UNC80: variants seen among roughly 807,000 people sequenced by gnomAD.
UNC80 encodes protein unc-80 homolog.
Under a neutral mutation model 384.6 loss-of-function variants are expected in UNC80, and 164 were observed. The ratio of observed to expected loss-of-function variants is 0.43; its 90% CI spans 0.38 to 0.49. The LOEUF is 0.49. Among genes scored for constraint, UNC80 ranks in the 20% least tolerant of loss-of-function variants. UNC80 has a pLI of 0.00. For missense variants in UNC80, 3,330 were observed against 4,143.0 expected, an observed-to-expected ratio of 0.80 and a Z score of 5.39; for synonymous variants, 1,486 against 1,527.8, an observed-to-expected ratio of 0.97 and a Z score of 0.64.
rs71043949 is a variant in UNC80, at chr2:209,791,819, CAAAAAAAAAAAAA to C, written c.799-1884_799-1872del. ...TGGGCGACAGAGTGAGACTCCGTCTCAAAAAAAAAAAAAAAAAAAAAAAAAAAAAGATCTCAAT... is the reference window on the plus strand; with the variant it reads ...TGGGCGACAGAGTGAGACTCCGTCTCAAAAAAAAAAAAAAAAGATCTCAAT... On this transcript the variant is annotated intron_variant, in intron 6 of 64. Coordinates refer to ENST00000673920, the MANE Select transcript of UNC80 (RefSeq NM_001371986.1). Among the ~76,000 whole-genome samples, 13 of 52,144 alleles carry C rather than the reference CAAAAAAAAAAAAA, an allele frequency of 2.5e-4. No homozygotes were observed. The East Asian group carries it at 8.5e-3, about 34-fold the overall frequency. 34.2% of individuals were successfully genotyped at this position (52,144 alleles called of 152,430 possible). A position where few individuals can be genotyped will look rare whatever the true frequency, so the allele number is the denominator to read the frequency against.
At chr2:209,893,526 G>GGGGTT (rs2124914680) in intron 26 of UNC80, among the ~76,000 whole-genome samples, 1 of 152,228 alleles carries the variant, frequency 6.6e-6, no homozygotes, top group South Asian at 2.1e-4. Context: ...TTGGCTCGGG[G>GGGGTT]GGGTTGCACC....
At chr2:209,849,727 T>TTTGC in intron 22 of UNC80, 104 bp downstream of exon 22, 1 of 1,269,582 alleles carries the variant, frequency 7.9e-7, no homozygotes. Context: ...TGTTTGTTTG[T>TTTGC]TTGCTTTTTC....
chr2:209,818,993 T>C lies in UNC80; in HGVS notation c.1694T>C (p.Val565Ala). ...NSHGENTVKE[V>A]RSQISTITVA... is the part of the protein sequence containing the mutation. ...TAAGACATTGCTTTCATTTTATTAG[T>C]GCGATCTCAGATCTCCACCATCACA... Residue 565 changes from valine to alanine, a missense_variant and splice_region_variant, in exon 12 of 65, where the codon GTG becomes GCG. Physicochemically the swap from Val to Ala is moderately conservative, Grantham distance 64. Transcript: ENST00000673920. 3.2e-6 allele frequency: 5 copies of C among 1,551,132 alleles called. No homozygotes were observed. Among genetic ancestry groups the C allele is most frequent in the Non-Finnish European group, 4.4e-6 (5 of 1,146,546 alleles).
Position 209,919,879 on chromosome 2 carries a change from C to T in UNC80, c.5343+1216C>T, listed in dbSNP as rs567518267. Among the ~76,000 whole-genome samples the T allele has an allele frequency of 2.6e-5, 4 of 152,326 alleles. No individual in the cohort carries two copies. In the South Asian group the frequency reaches 8.3e-4, roughly 32 times the overall value. On this transcript the variant is annotated intron_variant, in intron 33 of 64. Transcript: ENST00000673920. Reference sequence around the variant, plus strand: ...AGCCAGCCACAATCTGTATCCCAAGCTCACTGTGGATTTGAAATCAAGTAC... The same window carrying T: ...AGCCAGCCACAATCTGTATCCCAAGTTCACTGTGGATTTGAAATCAAGTAC...
chr2:209,786,217 A>G, intron 5 of UNC80, 28 bp downstream of exon 5: 2 of 1,602,622 alleles, frequency 1.2e-6, no homozygotes, highest in Non-Finnish European at 1.7e-6. Flanking sequence ...TCAGTAGGAC[A>G]GTATTAGCAG....
Position 209,939,617 on chromosome 2 carries a change from T to C in UNC80, c.6611T>C (p.Ile2204Thr), listed in dbSNP as rs1025505186. The C allele has an allele frequency of 2.6e-6, 4 of 1,551,372 alleles. No individual in the cohort carries two copies. The African/African-American group carries it at 4.1e-5, about 16-fold the overall frequency. The change falls in exon 43 of 65, where the codon ATT (isoleucine) becomes ACT (threonine). Residue 2204 changes from isoleucine (I) to threonine (T), a missense_variant. Ile to Thr is a moderately conservative substitution (Grantham distance 89). Around this residue, in one of 8 missense-constraint regions of UNC80, gnomAD observed 1,049 missense variants for 1,488.6 expected, o/e 0.70. Transcript: ENST00000673920. ...CTGCCCTCATTCCCTCGTAGTGCTA[T>C]TGATGCTGAGTTTTCACTCTTCAGT... The part of the protein sequence containing the change: ...LRLPSFPRSA[I>T]DAEFSLFSDP...
At chr2:209,848,051 A>T (rs996858927) in intron 21 of UNC80, among the ~76,000 whole-genome samples, 4 of 152,066 alleles carry the variant, frequency 2.6e-5, no homozygotes, top group South Asian at 2.1e-4. Context: ...GTATATATAA[A>T]TGATTAATAA....
chr2:209,819,347 T>C (rs1207855188), intron 12 of UNC80, 86 bp downstream of exon 12: 10 of 1,328,662 alleles, frequency 7.5e-6, no homozygotes, highest in African/African-American at 1.5e-5. Context: ...AATGGGCATA[T>C]AGATTCTTAG....
intron 21 of UNC80, among the ~76,000 whole-genome samples, chr2:209,847,784 A>G (rs1052891352): frequency 1.3e-5 from 2 of 152,062 alleles, no homozygotes; most frequent in Non-Finnish European, 2.9e-5. Context: ...AATAAATTTG[A>G]TAAATAAGAA....
intron 25 of UNC80, among the ~76,000 whole-genome samples, chr2:209,881,518 A>C (rs981907485): frequency 1.3e-5 from 2 of 152,126 alleles, no homozygotes; most frequent in Non-Finnish European, 2.9e-5. Context: ...TTATGGTTGA[A>C]AGTACTCCAG....
intron 25 of UNC80, among the ~76,000 whole-genome samples, chr2:209,886,917 A>C (rs2085861701): frequency 6.6e-6 from 1 of 152,214 alleles, no homozygotes; most frequent in Non-Finnish European, 1.5e-5. Context: ...AGGCATTGGC[A>C]AGGCTGCATC....
At chr2:209,914,595 C>T (rs964142046) in intron 31 of UNC80, among the ~76,000 whole-genome samples, 10 of 116,938 alleles carry the variant, frequency 8.6e-5, no homozygotes, top group African/African-American at 1.3e-4. Context: ...CAGCACCATT[C>T]CTTTCCCCAG....
intron 43 of UNC80, among the ~76,000 whole-genome samples, chr2:209,940,567 C>T (rs555751877): frequency 4.1e-4 from 63 of 152,140 alleles, no homozygotes; most frequent in African/African-American, 1.5e-3. Context: ...TAATCCCAGG[C>T]CTTTGGGAGG....
In UNC80 at chr2:209,945,081, G is replaced by T; in HGVS notation, c.7081G>T (p.Val2361Leu). The T allele has an allele frequency of 6.4e-7, 1 of 1,551,618 alleles. No homozygotes were observed. The highest frequency in any genetic ancestry group is 2.0e-5 in the Admixed American group (1 of 50,982). ...TGCCAATAATGGGCCCAGCAAAGGT[G>T]TGTCAGCTCAGTGCCTGTTTGACTT... The part of the protein sequence containing the change: ...DAANNGPSKG[V>L]SAQCLFDLLQ... Residue 2361 changes from valine to leucine, a missense_variant, in exon 46 of 65, where the codon GTG becomes TTG. By Grantham distance (32) the Val-to-Leu change is conservative. Coordinates refer to ENST00000673920, the MANE Select transcript of UNC80 (RefSeq NM_001371986.1).
At chr2:209,978,125 A>G (rs1281830283) in intron 58 of UNC80, among the ~76,000 whole-genome samples, 2 of 152,214 alleles carry the variant, frequency 1.3e-5, no homozygotes, top group Non-Finnish European at 2.9e-5. Flanking sequence ...TTCACATCAG[A>G]CAACTTATTT....
intron 39 of UNC80, among the ~76,000 whole-genome samples, chr2:209,934,866 T>A (rs374593793): frequency 6.6e-6 from 1 of 152,234 alleles, no homozygotes; most frequent in Non-Finnish European, 1.5e-5. Context: ...ATGTATAGGT[T>A]CTGTAGATTA....
At chr2:209,975,982 T>TA in intron 56 of UNC80, 137 bp from the exon 57 acceptor site, 1 of 879,302 alleles carries the variant, frequency 1.1e-6, no homozygotes, top group East Asian at 2.7e-5. Flanking sequence ...CGGGAATACA[T>TA]ACGAAGTTTT....
chr2:209,786,537 G>GATT (rs148673755), intron 5 of UNC80, among the ~76,000 whole-genome samples: 7 of 152,014 alleles, frequency 4.6e-5, no homozygotes, highest in African/African-American at 1.2e-4. Flanking sequence ...TGGCAGCTGC[G>GATT]ATTATTATTA....
At chr2:209,867,587 T>C (rs980321725) in intron 22 of UNC80, among the ~76,000 whole-genome samples, 1 of 152,138 alleles carries the variant, frequency 6.6e-6, no homozygotes. Flanking sequence ...TTTTTCTTAT[T>C]CATCCACTGA....
Sources: gnomAD v4.1 joint callset for allele counts (sites outside exome capture counted in the v4.1 genomes callset) on GRCh38, gnomAD v4.1.1 for gene constraint, gnomAD v4.1.1 regional missense constraint, MANE v1.5 for transcripts, NCBI Gene and HGNC (gene_info 2026-07-23, HGNC 2026-07-21) for gene names.